Variants in AGBL1 observed in about 807,000 individuals in gnomAD.
The protein encoded by AGBL1 is AGBL carboxypeptidase 1, also known as cytosolic carboxypeptidase 4.
Under a neutral mutation model 118.9 loss-of-function variants are expected in AGBL1, and 130 were observed. The ratio of observed to expected loss-of-function variants is 1.09; its 90% CI spans 0.95 to 1.26. The LOEUF (loss-of-function observed/expected upper bound fraction) is 1.26. Ranked by LOEUF, AGBL1 falls within the 50% of genes most tolerant of loss-of-function variation. AGBL1 has a pLI of 0.00. For synonymous variants in AGBL1, 555 were observed against 478.9 expected (o/e 1.16, Z -2.08); for missense variants, 1,584 against 1,298.1 (o/e 1.22, Z -3.38).
chr15:86,297,404 C>T (rs1259741019), intron 17 of AGBL1, among the ~76,000 whole-genome samples: 1 of 152,150 alleles, frequency 6.6e-6, no homozygotes, highest in African/African-American at 2.4e-5. Flanking sequence ...GCAGAGCTCT[C>T]CTGCTTAGAA....
chr15:87,013,148 T>G (rs16939696), intron 24 of AGBL1, among the ~76,000 whole-genome samples: 15,682 of 152,204 alleles, frequency 0.1, 1,624 homozygotes, highest in African/African-American at 0.27. Flanking sequence ...AGGGCACTCT[T>G]GGAAATTAAA....
chr15:87,027,265 A>T (rs1317286364), intron 24 of AGBL1, among the ~76,000 whole-genome samples: 6 of 152,066 alleles, frequency 3.9e-5, no homozygotes, highest in Non-Finnish European at 7.4e-5. Context: ...GGTATTATTA[A>T]AAAGTTAAAA....
intron 19 of AGBL1, among the ~76,000 whole-genome samples, chr15:86,542,673 G>A (rs979243857): frequency 1.3e-5 from 2 of 151,824 alleles, no homozygotes; most frequent in Non-Finnish European, 2.9e-5. Context: ...CTGGCGAGAT[G>A]GGGTCTTTGA....
chr15:86,143,077 G>A (rs2076985132), intron 2 of AGBL1, among the ~76,000 whole-genome samples: 1 of 152,214 alleles, frequency 6.6e-6, no homozygotes, highest in Non-Finnish European at 1.5e-5. Context: ...GCAAGGTGGA[G>A]GAGGTCCCTG....
rs2078568770 is a variant in AGBL1 at position 86,237,353 on chromosome 15, A to G, written c.527-10318A>G. Reference sequence around the variant, plus strand: ...GATTCATGAGCGATGCTTGCAACGCAGGGCAGAATTGCTTTCCTGCTGTCT... The same window carrying G: ...GATTCATGAGCGATGCTTGCAACGCGGGGCAGAATTGCTTTCCTGCTGTCT... On this transcript the variant is annotated intron_variant, in intron 6 of 22. Transcript: ENST00000614907. Among the ~76,000 whole-genome samples, 3 of 152,178 alleles carry G rather than the reference A, an allele frequency of 2.0e-5. No individual in the cohort carries two copies. In the South Asian group the frequency reaches 6.2e-4, roughly 32 times the overall value.
chr15:86,164,105 T>TG lies in AGBL1; in HGVS notation c.488+5084dup, dbSNP rs201017198. 2.3e-4 allele frequency among the ~76,000 whole-genome samples: 35 copies of TG among 152,362 alleles called. No homozygotes were observed. In the East Asian group the frequency reaches 5.4e-3, roughly 24 times the overall value. On this transcript the variant is annotated intron_variant, in intron 5 of 22. Coordinates refer to ENST00000614907, the MANE Select transcript of AGBL1 (RefSeq NM_001386094.1). ...AAGTTCAGAGTCTTTTAGAGTTGTC[T>TG]GGGGGAACCGACAGAGATTGGAGCA...
chr15:86,332,363 C>T (rs116057626), intron 17 of AGBL1, among the ~76,000 whole-genome samples: 3,634 of 152,062 alleles, frequency 0.024, 59 homozygotes, highest in Middle Eastern at 0.065. Flanking sequence ...TAACAAACTC[C>T]GGGCCAGGCG....
At chr15:86,948,805 C>T (rs929984206) in intron 23 of AGBL1, among the ~76,000 whole-genome samples, 2 of 152,222 alleles carry the variant, frequency 1.3e-5, no homozygotes, top group Non-Finnish European at 2.9e-5. Context: ...TATTTGATAT[C>T]TTGGACGAGT....
chr15:86,956,261 AT>A (rs746899047), intron 23 of AGBL1, among the ~76,000 whole-genome samples: 8 of 145,816 alleles, frequency 5.5e-5, no homozygotes, highest in African/African-American at 1.8e-4. Flanking sequence ...AGATAGATAG[AT>A]TAGATAGATG....
At position 86,988,279 on chromosome 15, in the gene AGBL1, A is replaced by T. The variant is rs553474917; in HGVS notation, c.3323+191A>T. On this transcript the variant is annotated intron_variant, in intron 24 of 24. Coordinates refer to the AGBL1 transcript ENST00000441037. The stretch of plus-strand genomic sequence containing the variant: ...TTCCAAAGTGGTTGCAACGATTTAC[A>T]TTCACACAAATGAATACGATTACTG... 6.2e-5 allele frequency: 36 copies of T among 581,168 alleles called. 1 individual carries two copies. In the South Asian group the frequency reaches 7.8e-4, roughly 13 times the overall value. The allele number at this position is 581,168 out of a possible 1,614,324, so 36.0% of individuals were successfully genotyped here.
chr15:86,188,444 A>G (rs1208899021), intron 5 of AGBL1, among the ~76,000 whole-genome samples: 4 of 152,230 alleles, frequency 2.6e-5, no homozygotes, highest in East Asian at 1.9e-4. Flanking sequence ...CCAAATTCAT[A>G]TTAGACTTTG....
chr15:86,349,330 C>CTAT (rs1243049205), intron 17 of AGBL1, among the ~76,000 whole-genome samples: 1 of 152,120 alleles, frequency 6.6e-6, no homozygotes, highest in Non-Finnish European at 1.5e-5. Context: ...AGACAACCAC[C>CTAT]TATAACAAGG....
rs143727611 is a variant in AGBL1, at chr15:86,520,737, A to G, written c.2556-2073A>G. Among the ~76,000 whole-genome samples the G allele has an allele frequency of 2.6e-5, 4 of 152,314 alleles. No individual in the cohort carries two copies. The East Asian group carries it at 7.7e-4, about 29-fold the overall frequency. On this transcript the variant is annotated intron_variant, in intron 18 of 22. Coordinates refer to ENST00000614907, the MANE Select transcript of AGBL1 (RefSeq NM_001386094.1). ...GTTACAAAGGAAAAAACAAATCCCC[A>G]GTGTTGATGAGAATCCAGGTCAAGG...
intron 21 of AGBL1, among the ~76,000 whole-genome samples, chr15:86,655,181 T>C (rs1347620454): frequency 6.6e-6 from 1 of 152,152 alleles, no homozygotes; most frequent in Non-Finnish European, 1.5e-5. Flanking sequence ...CTGGGAAAAT[T>C]ATTAGCAAGG....
At chr15:87,002,572 A>G (rs1321182898) in intron 24 of AGBL1, among the ~76,000 whole-genome samples, 5 of 152,098 alleles carry the variant, frequency 3.3e-5, no homozygotes, top group Admixed American at 2.6e-4. Flanking sequence ...CTTGGGCAGT[A>G]TGGCCATTTT....
rs546528245 is a variant in AGBL1 at position 86,782,196 on chromosome 15, C to A, written c.3158+107760C>A. ...TTTAAATAATTAGAGCCTTAACTCT[C>A]AAAGGGCCTTGACTCATTTCAAAAT... On this transcript the variant is annotated intron_variant, in intron 22 of 22. Transcript: ENST00000614907. 2.0e-5 allele frequency among the ~76,000 whole-genome samples: 3 copies of A among 152,192 alleles called. No homozygotes were observed. In the South Asian group the frequency reaches 6.2e-4, roughly 32 times the overall value.
chr15:86,753,814 G>A (rs1390785668), intron 22 of AGBL1, among the ~76,000 whole-genome samples: 3 of 152,050 alleles, frequency 2.0e-5, no homozygotes, highest in Non-Finnish European at 2.9e-5. Context: ...TCAGAACACT[G>A]AACATGTGAA....
chr15:86,530,733 AAAG>A (rs2083338144), intron 19 of AGBL1, among the ~76,000 whole-genome samples: 1 of 149,114 alleles, frequency 6.7e-6, no homozygotes, highest in African/African-American at 2.5e-5. Context: ...AGCAAATGTA[AAAG>A]AAGACAAATT....
chr15:86,682,877 C>T, intron 22 of AGBL1, among the ~76,000 whole-genome samples: 1 of 151,988 alleles, frequency 6.6e-6, no homozygotes, highest in South Asian at 2.1e-4. Flanking sequence ...ATAAATAATC[C>T]CATGTAGTAG....
Sources: gnomAD v4.1 joint callset for allele counts (sites outside exome capture counted in the v4.1 genomes callset) on GRCh38, gnomAD v4.1.1 for gene constraint, MANE v1.5 for transcripts, NCBI Gene and HGNC (gene_info 2026-07-23, HGNC 2026-07-21) for gene names.